Variants in CDC25C observed in about 807,000 individuals in gnomAD.
The protein encoded by CDC25C is M-phase inducer phosphatase 3.
In CDC25C, 48 loss-of-function variants were observed where a neutral mutation model predicts 52.5. The observed-to-expected ratio is 0.91, with a 90% CI of 0.72 to 1.16. CDC25C has a LOEUF of 1.16. CDC25C is among the 50% of genes most tolerant of loss of function. CDC25C has a pLI of 0.00. For missense variants in CDC25C, 510 were observed against 566.1 expected (o/e 0.90, Z 1.01); for synonymous variants, 187 against 206.5 (o/e 0.91, Z 0.81).
chr5:138,290,632 A>G lies in CDC25C; in HGVS notation c.864+7T>C, dbSNP rs1756629025. On this transcript the variant is annotated splice_region_variant and intron_variant, in intron 9 of 13. Transcript: ENST00000323760. ...CTGAAATACAGGATGGGTGTAGCCAAACTCACCTTGGAAAAATCACCAATC... is the reference window on the plus strand; with the variant it reads ...CTGAAATACAGGATGGGTGTAGCCAGACTCACCTTGGAAAAATCACCAATC... The G allele has an allele frequency of 6.5e-7, 1 of 1,541,168 alleles. No individual in the cohort carries two copies. The highest frequency in any genetic ancestry group is 2.2e-5 in the East Asian group (1 of 44,496).
At chr5:138,324,616 G>C (rs1467684924) in intron 6 of CDC25C, among the ~76,000 whole-genome samples, 1 of 152,024 alleles carries the variant, frequency 6.6e-6, no homozygotes, top group Non-Finnish European at 1.5e-5. Context: ...AAATTAGCTG[G>C]GTGTGGTGGC....
At chr5:138,325,211 A>G (rs1460146783) in intron 6 of CDC25C, among the ~76,000 whole-genome samples, 1 of 152,200 alleles carries the variant, frequency 6.6e-6, no homozygotes, top group Non-Finnish European at 1.5e-5. Flanking sequence ...TTTTATGGTA[A>G]TGATTTGGGG....
In CDC25C at chr5:138,291,607, C is replaced by T. The variant is rs150515978; in HGVS notation, c.762+363G>A. Among the ~76,000 whole-genome samples, 509 of 151,736 alleles carry T rather than the reference C, an allele frequency of 3.4e-3. 1 individual carries two copies. Among genetic ancestry groups the T allele is most frequent in the African/African-American group, 0.012 (481 of 41,422 alleles). Reference sequence around the variant, plus strand: ...CTGATTTCTTGTATTTTAGTAGAGACGGGGTTTCACCGTGTTGCCCAGTCT... The same window carrying T: ...CTGATTTCTTGTATTTTAGTAGAGATGGGGTTTCACCGTGTTGCCCAGTCT... On this transcript the variant is annotated intron_variant, in intron 8 of 13. Transcript: ENST00000323760.
At chr5:138,307,665 G>C (rs949613800) in intron 7 of CDC25C, among the ~76,000 whole-genome samples, 6 of 151,682 alleles carry the variant, frequency 4.0e-5, no homozygotes, top group Non-Finnish European at 7.4e-5. Flanking sequence ...ATTTTTCAAA[G>C]ACCATCAAAA....
At chr5:138,315,536 A>G (rs1758811021) in intron 7 of CDC25C, among the ~76,000 whole-genome samples, 1 of 152,192 alleles carries the variant, frequency 6.6e-6, no homozygotes, top group Non-Finnish European at 1.5e-5. Context: ...TGATTTACGT[A>G]TATATTACAT....
chr5:138,298,122 C>A (rs1757350166), intron 7 of CDC25C, among the ~76,000 whole-genome samples: 1 of 151,798 alleles, frequency 6.6e-6, no homozygotes, highest in Admixed American at 6.6e-5. Flanking sequence ...CCTCAGCCTC[C>A]CAAGTAGCTG....
At chr5:138,332,208 T>C (rs1292879055), upstream of CDC25C, 3 of 152,206 alleles carry the variant, frequency 2.0e-5, no homozygotes, top group African/African-American at 7.2e-5. Context: ...GAGATTATTT[T>C]GGGTGGAGGG....
At chr5:138,290,064 A>C (rs958851326) in intron 9 of CDC25C, among the ~76,000 whole-genome samples, 1 of 152,038 alleles carries the variant, frequency 6.6e-6, no homozygotes, top group South Asian at 2.1e-4. Context: ...AAGACCTTGA[A>C]TCTTAAAAAA....
At chr5:138,309,227 A>T (rs1371817650) in intron 7 of CDC25C, among the ~76,000 whole-genome samples, 4 of 85,606 alleles carry the variant, frequency 4.7e-5, no homozygotes, top group Non-Finnish European at 1.3e-4. Context: ...TGGTATTAAA[A>T]AAAAAAAAAA....
rs576799173 is a variant in CDC25C, at chr5:138,286,208, G to T, written c.1161-75C>A. 8.2e-5 allele frequency: 94 copies of T among 1,152,240 alleles called. No homozygotes were observed. In the African/African-American group the frequency reaches 8.6e-4, roughly 11 times the overall value. 71.4% of individuals were successfully genotyped at this position (1,152,240 alleles called of 1,614,324 possible). Reference sequence around the variant, plus strand: ...ATCCCAGGGGCCATTCACTGGGGAGGGGGGAGAGGAGTAGACTATTGCCAA... The same window carrying T: ...ATCCCAGGGGCCATTCACTGGGGAGTGGGGAGAGGAGTAGACTATTGCCAA... On this transcript the variant is annotated intron_variant, in intron 12 of 13. Transcript: ENST00000323760.
Position 138,289,517 on chromosome 5 carries a change from T to A in CDC25C, c.911A>T (p.Tyr304Phe), listed in dbSNP as rs774745440. 1 of 1,613,570 alleles carries A rather than the reference T, an allele frequency of 6.2e-7. No individual in the cohort carries two copies. The highest frequency in any genetic ancestry group is 1.1e-5 in the South Asian group (1 of 91,058). ...TVSGKHQDLKYVNPETVAALL... is the reference protein window; with the variant it reads ...TVSGKHQDLKFVNPETVAALL... The stretch of plus-strand genomic sequence containing the variant: ...TCTGCTTACTGTTTCTGGGTTGACA[T>A]ACTTCAGATCTTGGTGTTTCCCTGA... The change falls in exon 10 of 14, where the codon TAT (tyrosine) becomes TTT (phenylalanine). Residue 304 changes from tyrosine (Y) to phenylalanine (F), a missense_variant. Coordinates refer to ENST00000323760, the MANE Select transcript of CDC25C (RefSeq NM_001790.5).
At chr5:138,288,508 C>T (rs914770190) in intron 10 of CDC25C, among the ~76,000 whole-genome samples, 2 of 152,018 alleles carry the variant, frequency 1.3e-5, no homozygotes, top group African/African-American at 4.8e-5. Flanking sequence ...ACCAGCCTGA[C>T]CAACATAGTA....
rs1462520033 is a variant in CDC25C at position 138,286,043 on chromosome 5, T to C, written c.1251A>G (p.Arg417=). 3 of 1,613,544 alleles carry C rather than the reference T, an allele frequency of 1.9e-6. No homozygotes were observed. The highest frequency in any genetic ancestry group is 2.5e-6 in the Non-Finnish European group (3 of 1,179,462). Residue 417 remains arginine (R), a synonymous_variant, in exon 13 of 14, where the codon AGA becomes AGG. Coordinates refer to ENST00000323760, the MANE Select transcript of CDC25C (RefSeq NM_001790.5). ...TTACCATATATTCTGGAAAGAAGTC[T>C]CTGTAGCCGCCTTTAAGGATATATA... The part of the protein sequence containing the change: ...PELYILKGGY[R]DFFPEYMELC...
chr5:138,297,067 C>T lies in CDC25C; in HGVS notation c.616-4951G>A, dbSNP rs72492412. 8.9e-4 allele frequency among the ~76,000 whole-genome samples: 133 copies of T among 149,152 alleles called. 2 individuals carry two copies. In the East Asian group the frequency reaches 0.023, roughly 26 times the overall value. ...CTGGGACTACAGGCATCCGCCACCACGCCAGGCTAATTTTTTTGTATTTTT... is the reference window on the plus strand; with the variant it reads ...CTGGGACTACAGGCATCCGCCACCATGCCAGGCTAATTTTTTTGTATTTTT... On this transcript the variant is annotated intron_variant, in intron 7 of 13. Coordinates refer to ENST00000323760, the MANE Select transcript of CDC25C (RefSeq NM_001790.5).
chr5:138,291,601 T>C (rs991522048), intron 8 of CDC25C, among the ~76,000 whole-genome samples: 3 of 151,902 alleles, frequency 2.0e-5, no homozygotes, highest in African/African-American at 7.2e-5. Context: ...TGTATTTTAG[T>C]AGAGACGGGG....
chr5:138,307,458 A>ACTC, intron 7 of CDC25C, among the ~76,000 whole-genome samples: 1 of 132,340 alleles, frequency 7.6e-6, no homozygotes, highest in East Asian at 2.2e-4. Context: ...ACGCCACTAC[A>ACTC]CTCCAGCCTG....
chr5:138,309,222 TTAAA>T (rs1758253903), intron 7 of CDC25C, among the ~76,000 whole-genome samples: 1 of 128,218 alleles, frequency 7.8e-6, no homozygotes, highest in Non-Finnish European at 1.8e-5. Context: ...CAAACTGGTA[TTAAA>T]AAAAAAAAAA....
chr5:138,317,715 C>T (rs919932996), intron 7 of CDC25C, among the ~76,000 whole-genome samples: 82 of 125,468 alleles, frequency 6.5e-4, no homozygotes, highest in Middle Eastern at 4.3e-3. Flanking sequence ...AAACCAAAAA[C>T]CAAAAACCAA....
upstream of CDC25C, among the ~76,000 whole-genome samples, chr5:138,336,010 T>C (rs1348491210): frequency 6.6e-6 from 1 of 152,074 alleles, no homozygotes; most frequent in Non-Finnish European, 1.5e-5. Flanking sequence ...GCTGTTTCAT[T>C]TGTCAAAGAG....
Sources: gnomAD v4.1 joint callset for allele counts (sites outside exome capture counted in the v4.1 genomes callset) on GRCh38, gnomAD v4.1.1 for gene constraint, MANE v1.5 for transcripts, NCBI Gene and HGNC (gene_info 2026-07-23, HGNC 2026-07-21) for gene names.